TMEM132D: variants seen among roughly 807,000 people sequenced by gnomAD.
The protein encoded by TMEM132D is mature OL transmembrane protein.
A neutral mutation model predicts 62.3 loss-of-function variants in TMEM132D; 21 were observed. The ratio of observed to expected loss-of-function variants is 0.34; its 90% CI spans 0.24 to 0.49. The LOEUF (loss-of-function observed/expected upper bound fraction) is 0.49. TMEM132D is among the 20% of genes least tolerant of loss of function. The probability of loss-of-function intolerance (pLI) is 0.99; values close to 1 mark genes in which losing one functional copy is unlikely to be tolerated. For synonymous variants in TMEM132D, 621 were observed against 575.6 expected, an observed-to-expected ratio of 1.08 and a Z score of -1.13; for missense variants, 1,346 against 1,402.8, an observed-to-expected ratio of 0.96 and a Z score of 0.65.
intron 4 of TMEM132D, among the ~76,000 whole-genome samples, chr12:129,264,645 T>C (rs141341182): frequency 1.1e-4 from 16 of 152,258 alleles, no homozygotes; most frequent in South Asian, 4.1e-4. Context: ...TAATCCACAA[T>C]TGCAAAATCG....
intron 3 of TMEM132D, among the ~76,000 whole-genome samples, chr12:129,479,277 A>C (rs1874361110): frequency 6.6e-6 from 1 of 152,230 alleles, no homozygotes; most frequent in Non-Finnish European, 1.5e-5. Flanking sequence ...TACCATGTGA[A>C]AAAGCTTTGG....
chr12:129,586,380 A>T (rs73157216), intron 2 of TMEM132D, among the ~76,000 whole-genome samples: 24,466 of 152,160 alleles, frequency 0.16, 2,141 homozygotes, highest in Non-Finnish European at 0.2. Flanking sequence ...TTGTGGGACA[A>T]ATTCAGGGTG....
chr12:129,325,051 G>T (rs1868859096), intron 4 of TMEM132D, among the ~76,000 whole-genome samples: 2 of 152,170 alleles, frequency 1.3e-5, no homozygotes, highest in Non-Finnish European at 2.9e-5. Flanking sequence ...GATGACAAAA[G>T]TGAGGTGCAG....
chr12:129,286,506 T>C (rs908451472), intron 4 of TMEM132D, among the ~76,000 whole-genome samples: 1 of 152,130 alleles, frequency 6.6e-6, no homozygotes, highest in Non-Finnish European at 1.5e-5. Context: ...AGAAAGGTAA[T>C]CACACTATGA....
chr12:129,806,652 C>G (rs560379963), intron 1 of TMEM132D, among the ~76,000 whole-genome samples: 25 of 151,472 alleles, frequency 1.7e-4, no homozygotes, highest in African/African-American at 5.8e-4. Flanking sequence ...ATGTAACTAA[C>G]CTGCACAATG....
chr12:129,078,829 T>C, intron 7 of TMEM132D, 104 bp from the exon 8 acceptor site: 2 of 1,183,098 alleles, frequency 1.7e-6, no homozygotes, highest in Non-Finnish European at 2.4e-6. Context: ...CAGGGCAACA[T>C]GTGAGCCAGA....
At chr12:129,733,200 G>A (rs532590066) in intron 1 of TMEM132D, among the ~76,000 whole-genome samples, 2 of 152,330 alleles carry the variant, frequency 1.3e-5, no homozygotes, top group East Asian at 3.9e-4. Flanking sequence ...ATTGTAGCCA[G>A]CTGAGTGGGA....
At chr12:129,315,719 C>T (rs1462660494) in intron 4 of TMEM132D, among the ~76,000 whole-genome samples, 3 of 152,024 alleles carry the variant, frequency 2.0e-5, no homozygotes, top group South Asian at 2.1e-4. Flanking sequence ...AAAAGGATTG[C>T]TACCAATTCG....
chr12:129,084,544 C>G lies in TMEM132D; in HGVS notation c.1602G>C (p.Glu534Asp), dbSNP rs79067456. 5 of 1,612,590 alleles carry G rather than the reference C, an allele frequency of 3.1e-6. No individual in the cohort carries two copies. In the African/African-American group the frequency reaches 6.7e-5, roughly 22 times the overall value. ...CTCTCCAACCCTTGATCTGATTGAG[C>G]TCGGTGTCGGAGACCTCGATCTGCA... ...LPLQIEVSDT[E>D]LNQIKGWRVP... The change falls in exon 6 of 9, where the codon GAG becomes GAC. Residue 534 changes from glutamate to aspartate, a missense_variant. By Grantham distance (45) the Glu-to-Asp change is conservative. Transcript: ENST00000422113.
intron 2 of TMEM132D, among the ~76,000 whole-genome samples, chr12:129,692,853 G>A (rs1382048941): frequency 6.6e-6 from 1 of 152,000 alleles, no homozygotes; most frequent in African/African-American, 2.4e-5. Flanking sequence ...GTCGGGGGAG[G>A]GCAGTGGGGG....
chr12:129,569,021 G>T (rs1877443645), intron 2 of TMEM132D, among the ~76,000 whole-genome samples: 2 of 152,164 alleles, frequency 1.3e-5, no homozygotes, highest in Admixed American at 1.3e-4. Flanking sequence ...AGGAGAATTT[G>T]TACATCTAAC....
intron 1 of TMEM132D, among the ~76,000 whole-genome samples, chr12:129,729,094 T>C (rs568425799): frequency 6.6e-6 from 1 of 152,334 alleles, no homozygotes; most frequent in African/African-American, 2.4e-5. Context: ...TCCATTTCCA[T>C]ATTGCAAAAA....
chr12:129,087,627 G>A (rs1297320851), intron 5 of TMEM132D, among the ~76,000 whole-genome samples: 1 of 152,114 alleles, frequency 6.6e-6, no homozygotes, highest in Non-Finnish European at 1.5e-5. Context: ...GCTGGAAAAC[G>A]CGAGGAAGCA....
At chr12:129,748,357 A>T (rs972353893) in intron 1 of TMEM132D, among the ~76,000 whole-genome samples, 6 of 152,164 alleles carry the variant, frequency 3.9e-5, no homozygotes, top group Non-Finnish European at 8.8e-5. Context: ...ACGGAGAATG[A>T]GACTGAGGAG....
chr12:129,322,466 A>G (rs1189034304), intron 4 of TMEM132D, among the ~76,000 whole-genome samples: 1 of 152,134 alleles, frequency 6.6e-6, no homozygotes, highest in African/African-American at 2.4e-5. Context: ...TGAACCAGGT[A>G]GCAACATGCA....
intron 4 of TMEM132D, among the ~76,000 whole-genome samples, chr12:129,306,165 G>A (rs1881842114): frequency 2.6e-5 from 4 of 152,034 alleles, no homozygotes; most frequent in South Asian, 4.1e-4. Flanking sequence ...AACAAGGCCC[G>A]GGTTTATATA....
intron 2 of TMEM132D, among the ~76,000 whole-genome samples, chr12:129,559,300 G>A (rs1462510056): frequency 1.3e-5 from 2 of 152,218 alleles, no homozygotes; most frequent in African/African-American, 4.8e-5. Flanking sequence ...AGAGAACTCA[G>A]AAAACAGATA....
At chr12:129,390,506 A>C (rs568480694) in intron 3 of TMEM132D, among the ~76,000 whole-genome samples, 3 of 152,334 alleles carry the variant, frequency 2.0e-5, no homozygotes, top group African/African-American at 7.2e-5. Flanking sequence ...AAGCATATGG[A>C]TAAAAGGCCC....
intron 5 of TMEM132D, among the ~76,000 whole-genome samples, chr12:129,129,341 T>G (rs1876303571): frequency 6.6e-6 from 1 of 152,238 alleles, no homozygotes; most frequent in South Asian, 2.1e-4. Context: ...TTTTTATAGC[T>G]GCATAGTATT....
Sources: gnomAD v4.1 joint callset for allele counts (sites outside exome capture counted in the v4.1 genomes callset) on GRCh38, gnomAD v4.1.1 for gene constraint, MANE v1.5 for transcripts, NCBI Gene and HGNC (gene_info 2026-07-23, HGNC 2026-07-21) for gene names.